The following CR1 variants were observed in gnomAD, a reference collection of about 807,000 sequenced individuals.
The protein encoded by CR1 is complement receptor type 1.
In CR1, 116 loss-of-function variants were observed where a neutral mutation model predicts 187.3. The ratio of observed to expected loss-of-function variants is 0.62; its 90% CI spans 0.53 to 0.72. The LOEUF (loss-of-function observed/expected upper bound fraction) is 0.72. CR1 is among the 30% of genes least tolerant of loss of function. The pLI, the probability that CR1 is intolerant of heterozygous loss-of-function variation, is 0.00. For synonymous variants in CR1, 576 were observed against 747.1 expected (o/e 0.77, Z 3.73); for missense variants, 1,731 against 2,110.7 (o/e 0.82, Z 3.52).
chr1:207,513,477 C>T (rs1312039232), intron 4 of CR1, among the ~76,000 whole-genome samples: 1 of 152,196 alleles, frequency 6.6e-6, no homozygotes, highest in Non-Finnish European at 1.5e-5. Flanking sequence ...GAACCCTCTA[C>T]TCCTGCACTG....
intron 24 of CR1, among the ~76,000 whole-genome samples, chr1:207,566,992 G>A (rs1199120617): frequency 6.7e-6 from 1 of 150,212 alleles, no homozygotes. Flanking sequence ...TATGACAAGT[G>A]TCTGTTCTAC....
chr1:207,596,075 C>A (rs866328696), intron 35 of CR1, among the ~76,000 whole-genome samples: 12 of 124,548 alleles, frequency 9.6e-5, no homozygotes, highest in Non-Finnish European at 1.3e-4. Flanking sequence ...ATATCTATAT[C>A]TATATATATA....
chr1:207,513,021 T>C (rs2102290696), intron 4 of CR1, among the ~76,000 whole-genome samples: 1 of 152,334 alleles, frequency 6.6e-6, no homozygotes, highest in African/African-American at 2.4e-5. Flanking sequence ...GCTCTGGGTC[T>C]ATAAACTATT....
At chr1:207,587,637 G>T in intron 34 of CR1, 72 bp downstream of exon 34, 3 of 1,436,010 alleles carry the variant, frequency 2.1e-6, no homozygotes, top group Non-Finnish European at 2.8e-6. Context: ...GGTGGCTCAC[G>T]CCTGTAATCC....
At chr1:207,612,992 C>T (rs192543152) in intron 39 of CR1, among the ~76,000 whole-genome samples, 47 of 152,322 alleles carry the variant, frequency 3.1e-4, no homozygotes, top group African/African-American at 9.4e-4. Flanking sequence ...CATCTCCTGT[C>T]GCCCAGCTCT....
chr1:207,604,954 T>TTAA (rs1246399967), intron 35 of CR1, among the ~76,000 whole-genome samples: 1 of 151,954 alleles, frequency 6.6e-6, no homozygotes, highest in Non-Finnish European at 1.5e-5. Context: ...GTGACTATAG[T>TTAA]TAATAATAAT....
At chr1:207,507,331 A>T (rs1333123255) in intron 3 of CR1, 1 of 152,290 alleles carries the variant, frequency 6.6e-6, no homozygotes, top group Non-Finnish European at 1.5e-5. Flanking sequence ...ACCTGTAAGG[A>T]TGGATCCTTC....
In CR1 at chr1:207,587,484, C is replaced by T. The variant is rs371604171; in HGVS notation, c.5629C>T (p.Arg1877Cys). The T allele has an allele frequency of 1.6e-4, 264 of 1,613,760 alleles. No individual in the cohort carries two copies. The highest frequency in any genetic ancestry group is 2.1e-4 in the Non-Finnish European group (243 of 1,179,814). ...PVGTSLNYEC[R>C]PGYFGKMFSI... ...CGGGACATCTTTGAATTATGAATGCCGTCCTGGGTATTTTGGGAAAATGTT... is the reference window on the plus strand; with the variant it reads ...CGGGACATCTTTGAATTATGAATGCTGTCCTGGGTATTTTGGGAAAATGTT... Residue 1877 changes from arginine to cysteine, a missense_variant, in exon 34 of 47, where the codon CGT (arginine) becomes TGT (cysteine). This residue lies in a region of CR1 where 1,312 missense variants were observed against 1,379.6 expected (regional missense o/e 0.95). Coordinates refer to ENST00000367049, the MANE Select transcript of CR1 (RefSeq NM_000651.6).
chr1:207,635,766 G>C (rs538167270), intron 46 of CR1, among the ~76,000 whole-genome samples: 55 of 152,242 alleles, frequency 3.6e-4, no homozygotes, highest in South Asian at 1.5e-3. Flanking sequence ...TTCCTAGACA[G>C]AGGTCCCTGC....
intron 31 of CR1, among the ~76,000 whole-genome samples, chr1:207,581,310 A>G (rs1048099984): frequency 2.7e-5 from 4 of 150,104 alleles, no homozygotes; most frequent in African/African-American, 1.0e-4. Context: ...ATGGACACGT[A>G]TATGTATACG....
chr1:207,612,732 T>TGTGA (rs1378850338), intron 39 of CR1, among the ~76,000 whole-genome samples: 4 of 152,132 alleles, frequency 2.6e-5, no homozygotes, highest in Non-Finnish European at 5.9e-5. Flanking sequence ...GGAGGGGATG[T>TGTGA]GTGAGTGAGT....
intron 28 of CR1, among the ~76,000 whole-genome samples, chr1:207,577,019 G>A (rs1287276117): frequency 6.6e-6 from 1 of 152,150 alleles, no homozygotes; most frequent in Admixed American, 6.5e-5. Flanking sequence ...AGGAGGCTGA[G>A]GTGGGCAGAT....
intron 4 of CR1, among the ~76,000 whole-genome samples, chr1:207,521,504 G>C (rs1454448953): frequency 6.6e-6 from 1 of 151,242 alleles, no homozygotes; most frequent in African/African-American, 2.4e-5. Context: ...CCTAGCTTCC[G>C]GTTCATTGAT....
chr1:207,588,886 G>T (rs1199317283), intron 35 of CR1, 112 bp downstream of exon 35: 3 of 683,400 alleles, frequency 4.4e-6, no homozygotes. Context: ...TTAAAAGCAA[G>T]CAATAGGACT....
At position 207,609,672 on chromosome 1, in the gene CR1, G is replaced by A; in HGVS notation, c.6279G>A (p.Leu2093=). The A allele has an allele frequency of 1.9e-6, 3 of 1,587,922 alleles. No individual in the cohort carries two copies. Among genetic ancestry groups the A allele is most frequent in the Non-Finnish European group, 1.7e-6 (2 of 1,167,496 alleles). The change falls in exon 37 of 47, where the codon CTG becomes CTA. Residue 2093 remains leucine (L), a synonymous_variant. Coordinates refer to ENST00000367049, the MANE Select transcript of CR1 (RefSeq NM_000651.6). ...CQTNGRWGPK[L]PHCSRVCQPP... ...CCAATGGCAGATGGGGGCCCAAGCT[G>A]CCACACTGCTCCAGGGGTGAGTGTG...
At chr1:207,593,084 C>CA (rs57700679) in intron 35 of CR1, among the ~76,000 whole-genome samples, 6,478 of 83,004 alleles carry the variant, frequency 0.078, 240 homozygotes, top group Middle Eastern at 0.12. Context: ...CACAGAATTA[C>CA]AAAAAAAAAA....
At chr1:207,565,516 CAAT>C (rs751014302) in intron 23 of CR1, among the ~76,000 whole-genome samples, 5 of 150,154 alleles carry the variant, frequency 3.3e-5, no homozygotes, top group Non-Finnish European at 7.4e-5. Context: ...CTAATAACAA[CAAT>C]GAGTGATTTA....
rs1318306169 is a variant in CR1 at position 207,496,319 on chromosome 1, G to A, written c.52G>A (p.Gly18Ser). ...SPEPVGPPAP[G>S]LPFCCGGSLL... ...GGAGCCTGTCGGGCCGCCGGCGCCCGGTCTCCCCTTCTGCTGCGGAGGATC... is the reference window on the plus strand; with the variant it reads ...GGAGCCTGTCGGGCCGCCGGCGCCCAGTCTCCCCTTCTGCTGCGGAGGATC... The change falls in exon 1 of 47, where the codon GGT becomes AGT. Residue 18 changes from glycine (G) to serine (S), a missense_variant. Transcript: ENST00000367049. The A allele has an allele frequency of 5.6e-6, 9 of 1,613,466 alleles. No individual in the cohort carries two copies. In the South Asian group the frequency reaches 6.6e-5, roughly 12 times the overall value.
At chr1:207,593,084 CAAAAAA>C (rs57700679) in intron 35 of CR1, among the ~76,000 whole-genome samples, 7 of 83,120 alleles carry the variant, frequency 8.4e-5, no homozygotes, top group Admixed American at 3.6e-4. Context: ...CACAGAATTA[CAAAAAA>C]AAAAAAAAAA....
Sources: allele counts gnomAD v4.1 joint callset (sites outside exome capture counted in the v4.1 genomes callset), GRCh38; gene constraint gnomAD v4.1.1; regional missense constraint gnomAD v4.1.1; transcripts MANE v1.5; gene names NCBI Gene and HGNC (gene_info 2026-07-23, HGNC 2026-07-21).